PDE3B: variants seen among roughly 807,000 people sequenced by gnomAD.
PDE3B encodes the protein cGMP-inhibited 3',5'-cyclic phosphodiesterase 3B.
A neutral mutation model predicts 116.8 loss-of-function variants in PDE3B; 66 were observed. That is an observed-to-expected ratio of 0.56 (90% CI 0.46 to 0.69). The LOEUF is 0.69. PDE3B is among the 30% of genes least tolerant of loss of function. PDE3B has a pLI of 0.00. For missense variants in PDE3B, 1,384 were observed against 1,368.1 expected (o/e 1.01, Z -0.18); for synonymous variants, 595 against 533.6 (o/e 1.12, Z -1.59).
At chr11:14,683,288 G>T (rs1203399097) in intron 1 of PDE3B, among the ~76,000 whole-genome samples, 3 of 151,856 alleles carry the variant, frequency 2.0e-5, no homozygotes, top group African/African-American at 7.3e-5. Context: ...GAAACCATCT[G>T]GGTCTCAATT....
rs578188654 is a variant in PDE3B, at chr11:14,678,522, T to C, written c.978+33469T>C. On this transcript the variant is annotated intron_variant, in intron 1 of 15. Coordinates refer to ENST00000282096, the MANE Select transcript of PDE3B (RefSeq NM_000922.4). ...CACTTGGTATTGTTAGTATTTTTAA[T>C]TTTTGTCATTCTAGGTGTGTAGTGG... Among the ~76,000 whole-genome samples, 6 of 152,312 alleles carry C rather than the reference T, an allele frequency of 3.9e-5. No individual in the cohort carries two copies. The South Asian group carries it at 1.2e-3, about 32-fold the overall frequency.
Position 14,645,740 on chromosome 11 carries a change from T to C in PDE3B, c.978+687T>C, listed in dbSNP as rs147880952. Among the ~76,000 whole-genome samples the C allele has an allele frequency of 2.7e-3, 411 of 152,326 alleles. 3 individuals are homozygous for C. Among genetic ancestry groups the C allele is most frequent in the African/African-American group, 9.5e-3 (394 of 41,576 alleles). On this transcript the variant is annotated intron_variant, in intron 1 of 15. Transcript: ENST00000282096. ...ATTCCTGGAAAGATGCCAAAAGCAT[T>C]TCCATTTTTTCACCATAGGTTTACA... is the stretch of plus-strand genomic sequence containing the variant.
intron 1 of PDE3B, among the ~76,000 whole-genome samples, chr11:14,665,728 A>G (rs1027998338): frequency 6.6e-6 from 1 of 152,226 alleles, no homozygotes; most frequent in Non-Finnish European, 1.5e-5. Context: ...CTTACAAAGG[A>G]CATGAAGGAT....
At chr11:14,842,528 A>G (rs896461396) in intron 11 of PDE3B, among the ~76,000 whole-genome samples, 1 of 152,238 alleles carries the variant, frequency 6.6e-6, no homozygotes, top group Non-Finnish European at 1.5e-5. Context: ...GCTTACATAT[A>G]TCATTATGCA....
chr11:14,713,890 G>A (rs1366669995), intron 1 of PDE3B, among the ~76,000 whole-genome samples: 2 of 152,112 alleles, frequency 1.3e-5, no homozygotes, highest in African/African-American at 4.8e-5. Context: ...TACAGGCAGA[G>A]GAAATAGGGT....
intron 1 of PDE3B, among the ~76,000 whole-genome samples, chr11:14,656,413 T>G (rs1267808561): frequency 6.6e-6 from 1 of 152,234 alleles, no homozygotes; most frequent in East Asian, 1.9e-4. Flanking sequence ...ATACTTATTG[T>G]CATTTCTTAT....
At chr11:14,724,418 A>T (rs1856220119) in intron 1 of PDE3B, among the ~76,000 whole-genome samples, 1 of 152,176 alleles carries the variant, frequency 6.6e-6, no homozygotes, top group South Asian at 2.1e-4. Flanking sequence ...GTACAGGTTG[A>T]ACATCCCTAA....
the PDE3B span, among the ~76,000 whole-genome samples, chr11:14,881,158 C>T: frequency 4.6e-5 from 7 of 152,068 alleles, no homozygotes; most frequent in Admixed American, 1.3e-4. Flanking sequence ...CCTAAAAAAT[C>T]ATCCTTCTAG....
intron 1 of PDE3B, among the ~76,000 whole-genome samples, chr11:14,656,932 T>A (rs752371304): frequency 1.3e-5 from 2 of 152,144 alleles, no homozygotes; most frequent in Non-Finnish European, 2.9e-5. Flanking sequence ...AAGCAAATCC[T>A]TTCCATAAGG....
intron 15 of PDE3B, among the ~76,000 whole-genome samples, chr11:14,868,044 T>C (rs1848079188): frequency 6.6e-6 from 1 of 152,216 alleles, no homozygotes; most frequent in South Asian, 2.1e-4. Context: ...ATTTGGAACT[T>C]TGTTTCTCAG....
At chr11:14,829,864 GAAAC>G in intron 7 of PDE3B, among the ~76,000 whole-genome samples, 1 of 151,918 alleles carries the variant, frequency 6.6e-6, no homozygotes, top group South Asian at 2.1e-4. Flanking sequence ...TTTTAAAAAA[GAAAC>G]AAAATATTAC....
chr11:14,644,196 C>T lies in PDE3B; in HGVS notation c.121C>T (p.Gln41Ter). The T allele has an allele frequency of 6.3e-7, 1 of 1,596,786 alleles. No homozygotes were observed. The highest frequency in any genetic ancestry group is 8.5e-7 in the Non-Finnish European group (1 of 1,177,616). The stretch of plus-strand genomic sequence containing the variant: ...GAAGAGCTGCGTGAGCCCCTTGCGG[C>T]AGGACCCTCCGCGCGGCTTCTTCTT... ...YVKSCVSPLR[Q>*]DPPRGFFFHL... The change falls in exon 1 of 16, where the codon CAG becomes TAG. Residue 41 changes from glutamine to a stop codon, truncating the protein, a stop_gained. Coordinates refer to ENST00000282096, the MANE Select transcript of PDE3B (RefSeq NM_000922.4). LOFTEE classifies it high-confidence loss of function.
intron 2 of PDE3B, among the ~76,000 whole-genome samples, chr11:14,784,458 T>G (rs1002334334): frequency 1.3e-5 from 2 of 152,190 alleles, no homozygotes; most frequent in Admixed American, 1.3e-4. Context: ...GGTAAAATGT[T>G]GATACCAGTA....
At chr11:14,839,037 G>A (rs961408468) in intron 11 of PDE3B, among the ~76,000 whole-genome samples, 1 of 152,160 alleles carries the variant, frequency 6.6e-6, no homozygotes, top group Admixed American at 6.5e-5. Context: ...CTTTATCACA[G>A]TGGTGAGAAA....
chr11:14,892,418 A>G, the PDE3B span, among the ~76,000 whole-genome samples: 3 of 152,202 alleles, frequency 2.0e-5, no homozygotes, highest in Admixed American at 2.0e-4. Context: ...GGCCGGTGCT[A>G]CCCTTTGGAG....
chr11:14,847,358 T>A (rs533234637), intron 12 of PDE3B, among the ~76,000 whole-genome samples: 8 of 151,378 alleles, frequency 5.3e-5, no homozygotes, highest in Admixed American at 2.0e-4. Flanking sequence ...GAGGGAAATT[T>A]ATAGCACTAA....
At chr11:14,713,320 G>A (rs1312620122) in intron 1 of PDE3B, among the ~76,000 whole-genome samples, 1 of 152,164 alleles carries the variant, frequency 6.6e-6, no homozygotes, top group Non-Finnish European at 1.5e-5. Context: ...TGGATCACGG[G>A]ATGACCAGAT....
At chr11:14,880,620 G>A in the PDE3B span, 1 of 1,609,576 alleles carries the variant, frequency 6.2e-7, no homozygotes, top group East Asian at 2.2e-5. Flanking sequence ...GTCTACCTTT[G>A]TATGTTTCAA....
the PDE3B span, chr11:14,891,289 G>T: frequency 1.0e-6 from 1 of 985,326 alleles, no homozygotes; most frequent in Non-Finnish European, 1.2e-6. Context: ...CAAGTTGGCA[G>T]TGACAGTGGC....
Sources: allele counts gnomAD v4.1 joint callset (sites outside exome capture counted in the v4.1 genomes callset), GRCh38; gene constraint gnomAD v4.1.1; transcripts MANE v1.5; gene names NCBI Gene and HGNC (gene_info 2026-07-23, HGNC 2026-07-21).